CIB3: variants seen among roughly 807,000 people sequenced by gnomAD.
The protein encoded by CIB3 is calcium and integrin-binding family member 3.
CIB3 carries 22 observed loss-of-function variants against 23.4 expected under a neutral mutation model. The observed-to-expected ratio is 0.94, with a 90% CI of 0.67 to 1.34. The LOEUF is 1.34. Among genes scored for constraint, CIB3 ranks in the 40% most tolerant of loss-of-function variants. The pLI, the probability that CIB3 is intolerant of heterozygous loss-of-function variation, is 0.00. For synonymous variants in CIB3, 93 were observed against 95.8 expected (o/e 0.97, Z 0.17); for missense variants, 258 against 247.3 (o/e 1.04, Z -0.29).
intron 4 of CIB3, among the ~76,000 whole-genome samples, chr19:16,166,147 C>T (rs977193331): frequency 2.0e-5 from 3 of 151,926 alleles, no homozygotes; most frequent in African/African-American, 7.3e-5. Context: ...CAAAAATTAG[C>T]GGGGCGTGGT....
At position 16,161,415 on chromosome 19, in the gene CIB3, G is replaced by A. The variant is rs752603115; in HGVS notation, c.*50C>T. On this transcript the variant is annotated 3_prime_UTR_variant, in exon 6 of 6. Coordinates refer to ENST00000269878, the MANE Select transcript of CIB3 (RefSeq NM_054113.4). Reference sequence around the variant, plus strand: ...ATTCTCAGAAACCAGAGTCCACAGCGGGTGAGGGGTCACCCCGCCCTCCTA... The same window carrying A: ...ATTCTCAGAAACCAGAGTCCACAGCAGGTGAGGGGTCACCCCGCCCTCCTA... The A allele has an allele frequency of 1.9e-5, 30 of 1,592,294 alleles. No homozygotes were observed. The highest frequency in any genetic ancestry group is 1.1e-4 in the South Asian group (10 of 90,578).
rs188167918 is a variant in CIB3, at chr19:16,162,052, A to G, written c.543-566T>C. On this transcript the variant is annotated intron_variant, in intron 5 of 5. Transcript: ENST00000269878. ...TGTTCTCAACACAAATAAATGATACATGTTTGAGATGATGGATATGCTAAT... is the reference window on the plus strand; with the variant it reads ...TGTTCTCAACACAAATAAATGATACGTGTTTGAGATGATGGATATGCTAAT... 1.4e-4 allele frequency among the ~76,000 whole-genome samples: 21 copies of G among 151,916 alleles called. No individual in the cohort carries two copies. The East Asian group carries it at 2.1e-3, about 15-fold the overall frequency.
At chr19:16,168,378 C>T in intron 3 of CIB3, 94 bp from the exon 4 acceptor site, 2 of 1,499,058 alleles carry the variant, frequency 1.3e-6, no homozygotes, top group East Asian at 2.4e-5. Flanking sequence ...CTTCTGGGAA[C>T]CTCCAAGTAC....
chr19:16,173,337 A>C, intron 1 of CIB3, 88 bp downstream of exon 1: 1 of 1,555,106 alleles, frequency 6.4e-7, no homozygotes. Context: ...CGGACGGTAC[A>C]CCCAGATGAA....
Position 16,164,751 on chromosome 19 carries a change from T to G in CIB3, c.509A>C (p.Gln170Pro). ...HDGRLSLEDF[Q>P]NMILRAPDFL... ...GTCTGGTGCCCGGAGGATCATGTTC[T>G]GGAAATCTTCCAGGGACAGCCGCCC... The change falls in exon 5 of 6, where the codon CAG (glutamine) becomes CCG (proline). Residue 170 changes from glutamine (Q) to proline (P), a missense_variant. Transcript: ENST00000269878. The G allele has an allele frequency of 6.2e-7, 1 of 1,614,108 alleles. No individual in the cohort carries two copies. The highest frequency in any genetic ancestry group is 8.5e-7 in the Non-Finnish European group (1 of 1,180,010).
chr19:16,168,142 ATTTTAAAAGCATAGTAAGCCT>A lies in CIB3; in HGVS notation c.320_340del (p.Lys107_Lys113del). The A allele has an allele frequency of 6.2e-7, 1 of 1,607,766 alleles. No homozygotes were observed. The highest frequency in any genetic ancestry group is 8.5e-7 in the Non-Finnish European group (1 of 1,177,142). On this transcript the variant is annotated inframe_deletion, in exon 4 of 6. Coordinates refer to ENST00000269878, the MANE Select transcript of CIB3 (RefSeq NM_054113.4). ...CCCCAGGGCCACGCACGCACCATAA[ATTTTAAAAGCATAGTAAGCCT>A]TGAGGTCGCGGGGAGCCATTTCACT...
Position 16,164,610 on chromosome 19 carries a change from CATGAAAGA to C in CIB3, c.542+100_542+107del, listed in dbSNP as rs2091297660. The C allele has an allele frequency of 2.8e-6, 3 of 1,072,102 alleles. No homozygotes were observed. In the South Asian group the frequency reaches 4.6e-5, roughly 17 times the overall value. 66.4% of individuals were successfully genotyped at this position (1,072,102 alleles called of 1,614,324 possible). A position where few individuals can be genotyped will look rare whatever the true frequency, so the allele number is the denominator to read the frequency against. ...GGAAATTGAGAAAGTTTCCCAAGGT[CATGAAAGA>C]ATGAATAGAGGAATTTTCAGAAACA... On this transcript the variant is annotated intron_variant, in intron 5 of 5. Transcript: ENST00000269878.
chr19:16,170,232 C>T (rs1370902200), intron 2 of CIB3, among the ~76,000 whole-genome samples: 6 of 152,140 alleles, frequency 3.9e-5, no homozygotes, highest in African/African-American at 1.2e-4. Flanking sequence ...TCCCTGGGGG[C>T]AGGGTCAAGG....
chr19:16,172,963 A>C (rs1286594954), intron 2 of CIB3, among the ~76,000 whole-genome samples, 199 bp downstream of exon 2: 2 of 99,136 alleles, frequency 2.0e-5, no homozygotes, highest in African/African-American at 5.5e-5. Flanking sequence ...AAAAAAAAGA[A>C]AAGAAGGAAG....
At position 16,173,251 on chromosome 19, in the gene CIB3, C is replaced by T. The variant is rs557239603; in HGVS notation, c.52-55G>A. 4.1e-5 allele frequency: 66 copies of T among 1,611,836 alleles called. 1 individual carries two copies. Among genetic ancestry groups the T allele is most frequent in the African/African-American group, 2.7e-4 (20 of 74,966 alleles). On this transcript the variant is annotated intron_variant, in intron 1 of 5. Transcript: ENST00000269878. ...ACCCTGCCTCTGGGGCCTCCTCCCA[C>T]GGCCTCCTCCCTCCACCCCACACTC...
chr19:16,173,223 CG>C, intron 1 of CIB3, 27 bp from the exon 2 acceptor site: 1 of 1,613,982 alleles, frequency 6.2e-7, no homozygotes, highest in Non-Finnish European at 8.5e-7. Context: ...TGTCTTAACC[CG>C]AACCCTGCCT....
At chr19:16,166,266 G>A (rs981957040) in intron 4 of CIB3, among the ~76,000 whole-genome samples, 1 of 152,218 alleles carries the variant, frequency 6.6e-6, no homozygotes. Flanking sequence ...ACTCCAGCCT[G>A]GGCGACAAGA....
intron 4 of CIB3, among the ~76,000 whole-genome samples, chr19:16,167,699 G>T (rs943265196): frequency 6.6e-6 from 1 of 152,112 alleles, no homozygotes; most frequent in Non-Finnish European, 1.5e-5. Flanking sequence ...AGGCGTGATG[G>T]CACCTGCCTG....
chr19:16,169,938 T>C (rs1045288069), intron 2 of CIB3, among the ~76,000 whole-genome samples, 197 bp from the exon 3 acceptor site: 65 of 152,314 alleles, frequency 4.3e-4, no homozygotes, highest in African/African-American at 1.5e-3. Flanking sequence ...TAGCTGGGAT[T>C]ACAGGCACAC....
intron 4 of CIB3, among the ~76,000 whole-genome samples, chr19:16,166,941 C>T (rs552939673): frequency 7.9e-5 from 12 of 152,220 alleles, no homozygotes; most frequent in East Asian, 1.9e-4. Context: ...TTTGGCTGGG[C>T]GTGGTGGTTC....
At chr19:16,165,429 T>C (rs2091302166) in intron 4 of CIB3, among the ~76,000 whole-genome samples, 1 of 146,548 alleles carries the variant, frequency 6.8e-6, no homozygotes, top group African/African-American at 2.5e-5. Context: ...ATTTATGCAA[T>C]GAATTTTTCA....
chr19:16,166,829 T>C (rs765279785), intron 4 of CIB3, among the ~76,000 whole-genome samples: 2 of 152,170 alleles, frequency 1.3e-5, no homozygotes, highest in South Asian at 2.1e-4. Flanking sequence ...CCTGTAATCC[T>C]GCCACTTTGG....
At position 16,164,667 on chromosome 19, in the gene CIB3, G is replaced by A. The variant is rs371153394; in HGVS notation, c.542+51C>T. The stretch of plus-strand genomic sequence containing the variant: ...CAGAGTCTGTGAACTGTCTGCGTAA[G>A]AGCCCCTTCAGATGTGCAAATGGAC... On this transcript the variant is annotated intron_variant, in intron 5 of 5. Coordinates refer to ENST00000269878, the MANE Select transcript of CIB3 (RefSeq NM_054113.4). The A allele has an allele frequency of 9.4e-4, 1,410 of 1,506,528 alleles. 1 individual carries two copies. The highest frequency in any genetic ancestry group is 1.3e-3 in the Non-Finnish European group (1,366 of 1,087,922). 93.3% of individuals were successfully genotyped at this position (1,506,528 alleles called of 1,614,324 possible). A position where few individuals can be genotyped will look rare whatever the true frequency, so the allele number is the denominator to read the frequency against.
intron 1 of CIB3, 77 bp downstream of exon 1, chr19:16,173,348 G>A (rs1209874037): frequency 6.4e-7 from 1 of 1,553,504 alleles, no homozygotes; most frequent in Non-Finnish European, 8.9e-7. Context: ...CCCAGATGAA[G>A]GCATTCTGTT....
Sources: gnomAD v4.1 joint callset for allele counts (sites outside exome capture counted in the v4.1 genomes callset) on GRCh38, gnomAD v4.1.1 for gene constraint, MANE v1.5 for transcripts, NCBI Gene and HGNC (gene_info 2026-07-23, HGNC 2026-07-21) for gene names.